Variants in RTTN observed in about 807,000 individuals in gnomAD.
The protein encoded by RTTN is rotatin.
A neutral mutation model predicts 269.2 loss-of-function variants in RTTN; 182 were observed. That is an observed-to-expected ratio of 0.68 (90% CI 0.60 to 0.76). RTTN has a LOEUF of 0.76. Ranked by LOEUF, RTTN falls within the 30% of genes least tolerant of loss-of-function variation. The pLI, the probability that RTTN is intolerant of heterozygous loss-of-function variation, is 0.00. For synonymous variants in RTTN, 1,006 were observed against 963.5 expected (o/e 1.04, Z -0.82); for missense variants, 2,545 against 2,608.6 (o/e 0.98, Z 0.53).
chr18:70,050,315 G>GA (rs967312742), intron 39 of RTTN, among the ~76,000 whole-genome samples: 19 of 151,766 alleles, frequency 1.3e-4, no homozygotes, highest in South Asian at 1.2e-3. Flanking sequence ...CGACAAACAT[G>GA]AAAAAAAACC....
chr18:70,127,960 A>C (rs909976740), intron 24 of RTTN: 5 of 531,796 alleles, frequency 9.4e-6, no homozygotes, highest in African/African-American at 3.8e-5. Flanking sequence ...TCCTTATAAA[A>C]ATTTTTATTC....
intron 26 of RTTN, among the ~76,000 whole-genome samples, chr18:70,119,914 A>G (rs2059693136): frequency 6.6e-6 from 1 of 152,208 alleles, no homozygotes; most frequent in Non-Finnish European, 1.5e-5. Flanking sequence ...TGCAATAATG[A>G]ACAAAACAGT....
chr18:70,193,778 AT>A (rs1046505022), intron 7 of RTTN, among the ~76,000 whole-genome samples: 3 of 152,236 alleles, frequency 2.0e-5, no homozygotes, highest in African/African-American at 7.2e-5. Context: ...CATACTGTAC[AT>A]AAAAATTAAT....
chr18:70,189,577 AT>A (rs1298830596), intron 9 of RTTN, among the ~76,000 whole-genome samples: 6 of 152,228 alleles, frequency 3.9e-5, no homozygotes, highest in African/African-American at 1.4e-4. Flanking sequence ...ATGCTAAAGT[AT>A]TTAAAAGCAT....
At chr18:70,093,430 C>T (rs532767458) in intron 28 of RTTN, among the ~76,000 whole-genome samples, 2 of 152,200 alleles carry the variant, frequency 1.3e-5, no homozygotes, top group East Asian at 3.9e-4. Context: ...ATGATATTGG[C>T]TGTGGGTTTG....
intron 46 of RTTN, among the ~76,000 whole-genome samples, chr18:70,012,772 T>C (rs967344478): frequency 9.9e-5 from 15 of 152,210 alleles, no homozygotes; most frequent in Admixed American, 2.6e-4. Context: ...CAGGGCAACG[T>C]CTGCTCACTG....
chr18:70,168,035 T>C (rs1433264598), intron 12 of RTTN, among the ~76,000 whole-genome samples: 4 of 151,454 alleles, frequency 2.6e-5, no homozygotes, highest in Admixed American at 6.6e-5. Context: ...ATAGTACTAG[T>C]TGCTTAGGAG....
intron 26 of RTTN, among the ~76,000 whole-genome samples, chr18:70,115,446 C>T (rs933559522): frequency 4.0e-5 from 6 of 150,602 alleles, no homozygotes; most frequent in Admixed American, 6.6e-5. Context: ...CAAAAGAAAA[C>T]GTTACATTAA....
chr18:70,024,610 T>A lies in RTTN; in HGVS notation c.5950+112A>T, dbSNP rs149271363. 14 of 993,968 alleles carry A rather than the reference T, an allele frequency of 1.4e-5. No individual in the cohort carries two copies. In the African/African-American group the frequency reaches 2.0e-4, roughly 14 times the overall value. 61.6% of individuals were successfully genotyped at this position (993,968 alleles called of 1,614,324 possible). On this transcript the variant is annotated intron_variant, in intron 44 of 48. Coordinates refer to ENST00000640769, the MANE Select transcript of RTTN (RefSeq NM_173630.4). ...TTGCCTTTGCCCATCATATCCTCAA[T>A]AAATCAGAGAAATACTTCAAAATAT...
intron 20 of RTTN, 150 bp from the exon 21 acceptor site, chr18:70,139,866 C>G (rs2145712560): frequency 1.6e-6 from 1 of 630,106 alleles, no homozygotes; most frequent in East Asian, 2.8e-5. Flanking sequence ...AATTACTTTC[C>G]ACTGAAAGTA....
At position 70,197,699 on chromosome 18, in the gene RTTN, G is replaced by C; in HGVS notation, c.618C>G (p.Thr206=). ...RSSNHTLIWN[T]CELLKDVIMQ... is the part of the protein sequence containing the mutation. ...TGATAACATCCTTCAATAGTTCACA[G>C]GTGTTCCAGATTAAAGTGTGGTTAC... The change falls in exon 6 of 49, where the codon ACC becomes ACG. Residue 206 remains threonine (T), a synonymous_variant. Transcript: ENST00000640769. 6.2e-7 allele frequency: 1 copy of C among 1,613,452 alleles called. No individual in the cohort carries two copies. Among genetic ancestry groups the C allele is most frequent in the African/African-American group, 1.3e-5 (1 of 75,038 alleles).
chr18:70,188,060 C>A (rs753202569), intron 10 of RTTN, 48 bp downstream of exon 10: 1 of 1,170,158 alleles, frequency 8.5e-7, no homozygotes, highest in East Asian at 2.3e-5. Context: ...GAACCAAAAT[C>A]TTAAAAAATA....
Position 70,020,736 on chromosome 18 carries a change from A to G in RTTN, c.6032T>C (p.Met2011Thr). The G allele has an allele frequency of 6.2e-7, 1 of 1,614,108 alleles. No individual in the cohort carries two copies. The highest frequency in any genetic ancestry group is 8.5e-7 in the Non-Finnish European group (1 of 1,179,936). ...GGAAGCCAACTTTAGGATACACAGC[A>G]TCAGAGAGTTGCTCACGGCTCCTCT... ...THRGAVSNSLMLCILKLASQM... is the reference protein window; with the variant it reads ...THRGAVSNSLTLCILKLASQM... Residue 2011 changes from methionine to threonine, a missense_variant, in exon 45 of 49, where the codon ATG (methionine) becomes ACG (threonine). By Grantham distance (81) the Met-to-Thr change is moderately conservative. Coordinates refer to ENST00000640769, the MANE Select transcript of RTTN (RefSeq NM_173630.4).
At chr18:70,061,264 C>T in intron 35 of RTTN, 1 of 442,462 alleles carries the variant, frequency 2.3e-6, no homozygotes, top group Non-Finnish European at 4.5e-6. Flanking sequence ...AAGGTACCTG[C>T]ACCCTACATT....
chr18:70,066,173 T>C (rs1438840478), intron 34 of RTTN, among the ~76,000 whole-genome samples: 1 of 152,174 alleles, frequency 6.6e-6, no homozygotes, highest in Admixed American at 6.5e-5. Flanking sequence ...CAGGCCCATT[T>C]AGGAGTTTAA....
At chr18:70,102,130 C>T (rs1194020298) in intron 28 of RTTN, among the ~76,000 whole-genome samples, 1 of 152,150 alleles carries the variant, frequency 6.6e-6, no homozygotes, top group African/African-American at 2.4e-5. Flanking sequence ...CCTGGATATC[C>T]TTGTTAACTT....
intron 39 of RTTN, 75 bp from the exon 40 acceptor site, chr18:70,048,263 T>A: frequency 7.6e-7 from 1 of 1,318,108 alleles, no homozygotes; most frequent in Non-Finnish European, 1.1e-6. Flanking sequence ...AAGTTGATTT[T>A]AAAGTAACTA....
At chr18:70,090,055 T>TTG (rs1182073678) in intron 30 of RTTN, among the ~76,000 whole-genome samples, 1 of 152,210 alleles carries the variant, frequency 6.6e-6, no homozygotes, top group Non-Finnish European at 1.5e-5. Flanking sequence ...TTCATGGACT[T>TTG]AATCAGACAT....
chr18:70,152,859 G>T (rs1355743194), intron 14 of RTTN, among the ~76,000 whole-genome samples: 1 of 152,102 alleles, frequency 6.6e-6, no homozygotes, highest in African/African-American at 2.4e-5. Flanking sequence ...ATGGGAGAGT[G>T]ATCTTTTCAG....
Sources: allele counts gnomAD v4.1 joint callset (sites outside exome capture counted in the v4.1 genomes callset), GRCh38; gene constraint gnomAD v4.1.1; transcripts MANE v1.5; gene names NCBI Gene and HGNC (gene_info 2026-07-23, HGNC 2026-07-21).